The following ERCC6L2 variants were observed in gnomAD, a reference collection of about 807,000 sequenced individuals.
The protein encoded by ERCC6L2 is DNA excision repair protein ERCC-6-like 2.
A neutral mutation model predicts 132.0 loss-of-function variants in ERCC6L2; 77 were observed. The ratio of observed to expected loss-of-function variants is 0.58; its 90% CI spans 0.49 to 0.71. The LOEUF is 0.71. Among genes scored for constraint, ERCC6L2 ranks in the 30% least tolerant of loss-of-function variants. The pLI is 0.00. For synonymous variants in ERCC6L2, 583 were observed against 632.4 expected, an observed-to-expected ratio of 0.92 and a Z score of 1.17; for missense variants, 1,542 against 1,837.6, an observed-to-expected ratio of 0.84 and a Z score of 2.94.
Position 95,907,176 on chromosome 9 carries a change from A to G in ERCC6L2, c.693A>G (p.Arg231=), listed in dbSNP as rs1829082799. The change falls in exon 4 of 19, where the codon AGA becomes AGG. Residue 231 remains arginine, a synonymous_variant. Coordinates refer to ENST00000653738, the MANE Select transcript of ERCC6L2 (RefSeq NM_020207.7). Reference sequence around the variant, plus strand: ...GAGTCACTGTTTTACATGGAAACAGAAAAGATAATGAATTAATTCGTGTAA... The same window carrying G: ...GAGTCACTGTTTTACATGGAAACAGGAAAGATAATGAATTAATTCGTGTAA... ...YFRVTVLHGN[R]KDNELIRVKQ... is the part of the protein sequence containing the mutation. 1 of 1,613,408 alleles carries G rather than the reference A, an allele frequency of 6.2e-7. No homozygotes were observed. The highest frequency in any genetic ancestry group is 8.5e-7 in the Non-Finnish European group (1 of 1,179,714).
intron 4 of ERCC6L2, among the ~76,000 whole-genome samples, 175 bp downstream of exon 4, chr9:95,907,446 C>G (rs1007688120): frequency 6.7e-6 from 1 of 149,676 alleles, no homozygotes; most frequent in African/African-American, 2.5e-5. Context: ...CTCAGGCAAT[C>G]CACCCACCTC....
intron 2 of ERCC6L2, among the ~76,000 whole-genome samples, chr9:95,889,485 ATGTG>A (rs1447326790): frequency 2.6e-5 from 4 of 151,800 alleles, no homozygotes; most frequent in Non-Finnish European, 5.9e-5. Context: ...GTGTGTGTGC[ATGTG>A]TGTATCTTTA....
chr9:95,940,439 G>A (rs550640232), intron 11 of ERCC6L2, among the ~76,000 whole-genome samples: 1 of 152,252 alleles, frequency 6.6e-6, no homozygotes, highest in African/African-American at 2.4e-5. Flanking sequence ...AAAAAAGAAA[G>A]CTAGACTTTC....
rs1186758650 is a variant in ERCC6L2, at chr9:95,897,883, A to T, written c.506A>T (p.Lys169Met). The change falls in exon 3 of 19, where the codon AAG becomes ATG. Residue 169 changes from lysine (K) to methionine (M), a missense_variant. This residue lies in a region of ERCC6L2 where 945 missense variants were observed against 1,105.2 expected (regional missense o/e 0.86). Coordinates refer to ENST00000653738, the MANE Select transcript of ERCC6L2 (RefSeq NM_020207.7). ...ISFLAAVLHK[K>M]GTREDIENNM... ...TTTCTGGCTGCAGTTTTGCATAAAA[A>T]GGGAACTCGTGAGGATATTGAAAAT... The T allele has an allele frequency of 9.3e-6, 15 of 1,612,656 alleles. No homozygotes were observed. The highest frequency in any genetic ancestry group is 1.3e-5 in the Non-Finnish European group (15 of 1,179,462).
At chr9:96,022,455 C>A (rs532460880), downstream of ERCC6L2, among the ~76,000 whole-genome samples, 1 of 152,290 alleles carries the variant, frequency 6.6e-6, no homozygotes, top group South Asian at 2.1e-4. Context: ...GCTTCTGGGC[C>A]GGTATTCGTA....
Position 95,885,521 on chromosome 9 carries a change from A to G in ERCC6L2, c.471+4228A>G, listed in dbSNP as rs374020896. Among the ~76,000 whole-genome samples the G allele has an allele frequency of 2.7e-4, 41 of 152,328 alleles. 1 individual carries two copies. The Middle Eastern group carries it at 0.014, about 51-fold the overall frequency. On this transcript the variant is annotated intron_variant, in intron 2 of 18. Transcript: ENST00000653738. ...CCAAGATTTTTATGACTATCTCCCA[A>G]TATTTCACAGAATTTTCACATCTAA...
At chr9:96,011,304 T>C (rs1329071642) in intron 18 of ERCC6L2, among the ~76,000 whole-genome samples, 1 of 152,208 alleles carries the variant, frequency 6.6e-6, no homozygotes, top group East Asian at 1.9e-4. Context: ...CTGTGTGGGT[T>C]CTCTGGCATC....
Position 95,916,306 on chromosome 9 carries a change from A to G in ERCC6L2, c.1030A>G (p.Thr344Ala). The change falls in exon 6 of 19, where the codon ACG becomes GCG. Residue 344 changes from threonine (T) to alanine (A), a missense_variant. Physicochemically the swap from Thr to Ala is moderately conservative, Grantham distance 58. Coordinates refer to ENST00000653738, the MANE Select transcript of ERCC6L2 (RefSeq NM_020207.7). ...SDPVEHGQRH[T>A]ATKRELATGR... ...CCCAGTAGAACATGGTCAGAGACAC[A>G]CGGCAACAAAGAGAGAACTAGCCAC... 1.9e-6 allele frequency: 3 copies of G among 1,614,150 alleles called. No homozygotes were observed. Among genetic ancestry groups the G allele is most frequent in the Non-Finnish European group, 2.5e-6 (3 of 1,180,010 alleles).
At chr9:95,940,397 A>G (rs1298810287) in intron 11 of ERCC6L2, among the ~76,000 whole-genome samples, 3 of 152,170 alleles carry the variant, frequency 2.0e-5, no homozygotes, top group African/African-American at 7.2e-5. Context: ...AGCTTGGGAT[A>G]TGTTAAGAAC....
chr9:95,896,228 T>C (rs1036654017), intron 2 of ERCC6L2, among the ~76,000 whole-genome samples: 1 of 152,100 alleles, frequency 6.6e-6, no homozygotes, highest in Non-Finnish European at 1.5e-5. Flanking sequence ...TTGGCTCACT[T>C]TTTGGTTGTC....
intron 2 of ERCC6L2, among the ~76,000 whole-genome samples, chr9:95,884,112 G>C (rs1199028361): frequency 2.6e-5 from 4 of 152,142 alleles, no homozygotes; most frequent in African/African-American, 9.7e-5. Flanking sequence ...AATCATTGAA[G>C]GACTTGGAGA....
At chr9:95,953,396 G>A (rs1831437309) in intron 12 of ERCC6L2, among the ~76,000 whole-genome samples, 1 of 152,080 alleles carries the variant, frequency 6.6e-6, no homozygotes. Context: ...CTAACACGGT[G>A]AAACCCTGTC....
At chr9:95,907,666 A>G (rs1431224577) in intron 4 of ERCC6L2, among the ~76,000 whole-genome samples, 1 of 152,138 alleles carries the variant, frequency 6.6e-6, no homozygotes, top group Non-Finnish European at 1.5e-5. Context: ...TACATTGAAT[A>G]CAGGATACTT....
At chr9:95,943,300 T>G (rs1417589407) in intron 12 of ERCC6L2, among the ~76,000 whole-genome samples, 1 of 152,128 alleles carries the variant, frequency 6.6e-6, no homozygotes, top group African/African-American at 2.4e-5. Flanking sequence ...GAATTGTTTT[T>G]TTTTCCTCAG....
At chr9:96,032,875 G>T (rs1417953747) in intron 19 of ERCC6L2, among the ~76,000 whole-genome samples, 1 of 152,152 alleles carries the variant, frequency 6.6e-6, no homozygotes, top group East Asian at 1.9e-4. Context: ...TGTCAACGAT[G>T]ACTCTTTCTA....
In ERCC6L2 at chr9:95,997,594, A is replaced by G. The variant is rs191926197; in HGVS notation, c.3493-6926A>G. Among the ~76,000 whole-genome samples the G allele has an allele frequency of 7.2e-5, 11 of 152,384 alleles. No individual in the cohort carries two copies. The East Asian group carries it at 1.7e-3, about 24-fold the overall frequency. On this transcript the variant is annotated intron_variant, in intron 17 of 18. Transcript: ENST00000653738. ...TAATAGACTACAATATAGTGTAAGCATAACTTTTATATGTACTGACAAACC... is the reference window on the plus strand; with the variant it reads ...TAATAGACTACAATATAGTGTAAGCGTAACTTTTATATGTACTGACAAACC...
downstream of ERCC6L2, chr9:96,021,018 C>T (rs145117042): frequency 4.6e-4 from 208 of 455,536 alleles, no homozygotes; most frequent in African/African-American, 3.2e-3. This position sits in a 1 kb window ranked among gnomAD's most constrained non-coding sequence, Gnocchi z 4.7. Context: ...TCCTCAGTGT[C>T]GGGGGCTCGC....
chr9:95,984,521 C>G (rs759863367), intron 17 of ERCC6L2, among the ~76,000 whole-genome samples: 9 of 151,962 alleles, frequency 5.9e-5, no homozygotes, highest in Non-Finnish European at 7.4e-5. Flanking sequence ...TAGTTCTTCC[C>G]TCAGCTGGAC....
intron 11 of ERCC6L2, among the ~76,000 whole-genome samples, chr9:95,929,572 A>G (rs997730777): frequency 6.6e-6 from 1 of 152,230 alleles, no homozygotes; most frequent in Non-Finnish European, 1.5e-5. Flanking sequence ...CAAAGTAAAA[A>G]TTAAATCAGA....
Sources: allele counts gnomAD v4.1 joint callset (sites outside exome capture counted in the v4.1 genomes callset), GRCh38; gene constraint gnomAD v4.1.1; regional missense constraint gnomAD v4.1.1; non-coding constraint Gnocchi (gnomAD v3.1); transcripts MANE v1.5; gene names NCBI Gene and HGNC (gene_info 2026-07-23, HGNC 2026-07-21).